COL22A1: variants seen among roughly 807,000 people sequenced by gnomAD.
The protein encoded by COL22A1 is collagen type XXII alpha 1 chain.
COL22A1 carries 221 observed loss-of-function variants against 248.9 expected under a neutral mutation model. The observed-to-expected ratio is 0.89, with a 90% confidence interval of 0.80 to 0.99. COL22A1 has a LOEUF of 0.99. Ranked by LOEUF, COL22A1 falls within the 50% of genes least tolerant of loss-of-function variation. COL22A1 has a pLI of 0.00. For missense variants in COL22A1, 2,240 were observed against 2,179.0 expected (o/e 1.03, Z -0.56); for synonymous variants, 891 against 793.4 (o/e 1.12, Z -2.07).
chr8:138,609,664 T>G (rs1457407638), intron 56 of COL22A1, among the ~76,000 whole-genome samples: 1 of 152,198 alleles, frequency 6.6e-6, no homozygotes, highest in Non-Finnish European at 1.5e-5. Flanking sequence ...CTTATCCCTA[T>G]GGAAATTCTA....
chr8:138,808,219 G>A (rs1817895447), intron 9 of COL22A1, among the ~76,000 whole-genome samples: 1 of 152,146 alleles, frequency 6.6e-6, no homozygotes. Flanking sequence ...TCAGACAGGA[G>A]GAATAATGAA....
rs376405000 is a variant in COL22A1 at position 138,820,138 on chromosome 8, C to CA, written c.1245+997dup. On this transcript the variant is annotated intron_variant, in intron 7 of 64. Coordinates refer to ENST00000303045, the MANE Select transcript of COL22A1 (RefSeq NM_152888.3). ...GACACATGATTTTGAGTAAAGAAAACAAAAAAAGCCAGATGTAGTCCATTA... is the reference window on the plus strand; with the variant it reads ...GACACATGATTTTGAGTAAAGAAAACAAAAAAAAGCCAGATGTAGTCCATTA... 7.0e-3 allele frequency among the ~76,000 whole-genome samples: 1,059 copies of CA among 151,744 alleles called. 11 individuals carry two copies. Among genetic ancestry groups the CA allele is most frequent in the Middle Eastern group, 0.024 (7 of 294 alleles).
intron 16 of COL22A1, among the ~76,000 whole-genome samples, chr8:138,769,994 CCACT>C (rs1258999323): frequency 6.6e-6 from 1 of 152,124 alleles, no homozygotes; most frequent in African/African-American, 2.4e-5. Flanking sequence ...ATCCTTAGAG[CCACT>C]AACTGGGAGA....
chr8:138,899,722 C>T (rs1563903475), intron 1 of COL22A1, among the ~76,000 whole-genome samples: 1 of 151,998 alleles, frequency 6.6e-6, no homozygotes, highest in African/African-American at 2.4e-5. Flanking sequence ...CGGGGTTTCA[C>T]CATGTTGGCC....
At chr8:138,815,726 G>A (rs868758035) in intron 7 of COL22A1, among the ~76,000 whole-genome samples, 8 of 152,296 alleles carry the variant, frequency 5.3e-5, no homozygotes, top group South Asian at 4.1e-4. Context: ...GGAGCAGTCC[G>A]ACTCATAAAA....
chr8:138,679,315 G>A (rs949931905), intron 40 of COL22A1, among the ~76,000 whole-genome samples: 1 of 152,112 alleles, frequency 6.6e-6, no homozygotes, highest in Admixed American at 6.5e-5. Context: ...GTTTTAGTTT[G>A]AAACAGAAAC....
chr8:138,641,274 G>A (rs879391587), intron 47 of COL22A1, among the ~76,000 whole-genome samples: 5 of 152,120 alleles, frequency 3.3e-5, no homozygotes, highest in East Asian at 1.9e-4. Flanking sequence ...CTGCCTCCTC[G>A]GAGTCATCCA....
At chr8:138,692,219 TGTGCAC>T (rs1236173576) in intron 35 of COL22A1, among the ~76,000 whole-genome samples, 505 of 44,688 alleles carry the variant, frequency 0.011, 3 homozygotes, top group African/African-American at 0.033. Flanking sequence ...GAGGTGTATG[TGTGCAC>T]GTGCATGTGC....
rs549911641 is a variant in COL22A1, at chr8:138,814,308, G to A, written c.1246-1289C>T. Among the ~76,000 whole-genome samples the A allele has an allele frequency of 2.6e-5, 4 of 152,376 alleles. No homozygotes were observed. The South Asian group carries it at 8.3e-4, about 32-fold the overall frequency. ...TATCCAGGTATCCCCTTTAGGGGCT[G>A]TTTTTCAAATACATCCACAGATTGG... On this transcript the variant is annotated intron_variant, in intron 7 of 64. Transcript: ENST00000303045.
intron 16 of COL22A1, among the ~76,000 whole-genome samples, chr8:138,770,106 G>A (rs369693249): frequency 6.6e-6 from 1 of 152,178 alleles, no homozygotes; most frequent in South Asian, 2.1e-4. Context: ...GCCAACCAGG[G>A]TGACAGCCTA....
intron 52 of COL22A1, chr8:138,620,590 G>T (rs1206497031): frequency 6.6e-6 from 1 of 152,144 alleles, no homozygotes; most frequent in Admixed American, 6.5e-5. Context: ...TACATAGCCT[G>T]GCTCCTGCCT....
chr8:138,907,687 T>G (rs558461669), intron 1 of COL22A1, among the ~76,000 whole-genome samples: 2 of 152,210 alleles, frequency 1.3e-5, no homozygotes, highest in Non-Finnish European at 2.9e-5. Flanking sequence ...AAAAGAGAGA[T>G]GCATTTGCCT....
rs559508996 is a variant in COL22A1, at chr8:138,816,169, A to G, written c.1246-3150T>C. ...GGCAAGGCCGCAGGGACAGGGAAGG[A>G]GAAGAAGGAGACAGGAGGCAGGCCA... On this transcript the variant is annotated intron_variant, in intron 7 of 64. Transcript: ENST00000303045. Among the ~76,000 whole-genome samples, 64 of 152,260 alleles carry G rather than the reference A, an allele frequency of 4.2e-4. 1 individual carries two copies. In the South Asian group the frequency reaches 0.013, roughly 32 times the overall value.
intron 5 of COL22A1, among the ~76,000 whole-genome samples, chr8:138,832,772 T>C (rs1820147933): frequency 6.6e-6 from 1 of 152,200 alleles, no homozygotes; most frequent in East Asian, 1.9e-4. Flanking sequence ...AACACATGTA[T>C]GAATGAATGA....
At chr8:138,857,130 C>T (rs1173123987) in intron 3 of COL22A1, among the ~76,000 whole-genome samples, 1 of 152,070 alleles carries the variant, frequency 6.6e-6, no homozygotes, top group African/African-American at 2.4e-5. Context: ...CCTGCCTCTG[C>T]CCACGCCTGC....
chr8:138,596,190 C>T (rs920130075), intron 62 of COL22A1, among the ~76,000 whole-genome samples: 1 of 152,228 alleles, frequency 6.6e-6, no homozygotes, highest in South Asian at 2.1e-4. Context: ...TATCCTCCTA[C>T]CTTCCTCCCT....
In COL22A1 at chr8:138,673,970, C is replaced by T. The variant is rs551317076; in HGVS notation, c.3150+2588G>A. ...TTTGCAGAACAACTCTGCAACAACG[C>T]CATGCAGTCACTCAGGGGCTGTTGT... is the stretch of plus-strand genomic sequence containing the variant. On this transcript the variant is annotated intron_variant, in intron 41 of 64. Coordinates refer to ENST00000303045, the MANE Select transcript of COL22A1 (RefSeq NM_152888.3). Among the ~76,000 whole-genome samples the T allele has an allele frequency of 6.3e-4, 96 of 152,292 alleles. 1 individual carries two copies. Among genetic ancestry groups the T allele is most frequent in the Non-Finnish European group, 1.2e-3 (80 of 68,030 alleles).
At position 138,826,225 on chromosome 8, in the gene COL22A1, G is replaced by A. The variant is rs1210647779; in HGVS notation, c.969+433C>T. On this transcript the variant is annotated intron_variant, in intron 6 of 64. Transcript: ENST00000303045. The stretch of plus-strand genomic sequence containing the variant: ...GAAAACCAAGACTCAGAAAGATAAA[G>A]TAACCCATCCCAGGACCCACACGAA... Among the ~76,000 whole-genome samples the A allele has an allele frequency of 2.0e-5, 3 of 152,230 alleles. No individual in the cohort carries two copies. In the East Asian group the frequency reaches 5.8e-4, roughly 29 times the overall value.
At chr8:138,768,392 T>A (rs1428107735) in intron 16 of COL22A1, among the ~76,000 whole-genome samples, 1 of 152,106 alleles carries the variant, frequency 6.6e-6, no homozygotes, top group Admixed American at 6.6e-5. Flanking sequence ...AAGCCCACCT[T>A]CCATTCTCCT....
Sources: allele counts gnomAD v4.1 joint callset (sites outside exome capture counted in the v4.1 genomes callset), GRCh38; gene constraint gnomAD v4.1.1; transcripts MANE v1.5; gene names NCBI Gene and HGNC (gene_info 2026-07-23, HGNC 2026-07-21).